NOTCH2NLC: variants seen among roughly 807,000 people sequenced by gnomAD.
NOTCH2NLC encodes notch homolog 2 N-terminal-like protein C.
A neutral mutation model predicts 17.7 loss-of-function variants in NOTCH2NLC; 4 were observed. The ratio of observed to expected loss-of-function variants is 0.23; its 90% CI spans 0.11 to 0.52. NOTCH2NLC has a LOEUF of 0.52. Among genes scored for constraint, NOTCH2NLC ranks in the 20% least tolerant of loss-of-function variants. The pLI, the probability that NOTCH2NLC is intolerant of heterozygous loss-of-function variation, is 0.96. For synonymous variants in NOTCH2NLC, 18 were observed against 86.0 expected (o/e 0.21, Z 4.38); for missense variants, 57 against 207.2 (o/e 0.28, Z 4.45).
At chr1:149,422,518 G>C (rs1374495700) in intron 1 of NOTCH2NLC, among the ~76,000 whole-genome samples, 1 of 144,654 alleles carries the variant, frequency 6.9e-6, no homozygotes, top group Non-Finnish European at 1.5e-5. Context: ...GTCTCTGACA[G>C]CTTCTTCAGG....
chr1:149,424,555 A>C (rs2084400885), intron 1 of NOTCH2NLC, among the ~76,000 whole-genome samples: 1 of 150,886 alleles, frequency 6.6e-6, no homozygotes, highest in African/African-American at 2.4e-5. Context: ...AACTGTATTA[A>C]AATTGAGTTT....
At chr1:149,444,749 G>T in intron 2 of NOTCH2NLC, among the ~76,000 whole-genome samples, 1 of 143,402 alleles carries the variant, frequency 7.0e-6, no homozygotes. Flanking sequence ...GTGTGTGTAC[G>T]TGTGTGAGAG....
At chr1:149,417,097 C>CTTTTTTTTTTTTTTTTTTTTTT (rs1171555647) in intron 1 of NOTCH2NLC, among the ~76,000 whole-genome samples, 18 of 69,568 alleles carry the variant, frequency 2.6e-4, no homozygotes, top group South Asian at 6.7e-4. Flanking sequence ...TCAGGTTTTC[C>CTTTTTTTTTTTTTTTTTTTTTT]TTTTTTTTTT....
chr1:149,415,150 C>A (rs2084328394), intron 1 of NOTCH2NLC, among the ~76,000 whole-genome samples: 1 of 105,954 alleles, frequency 9.4e-6, no homozygotes, highest in African/African-American at 3.6e-5. Context: ...TGAAGTCTTT[C>A]CACCTTAACT....
At chr1:149,446,583 A>G (rs1278235142) in intron 2 of NOTCH2NLC, among the ~76,000 whole-genome samples, 17,607 of 148,978 alleles carry the variant, frequency 0.12, 1,556 homozygotes, top group East Asian at 0.29. Context: ...CAATCTGCTC[A>G]CCTTGGCCTC....
chr1:149,421,334 A>AC (rs2084377855), intron 1 of NOTCH2NLC, among the ~76,000 whole-genome samples: 1 of 148,528 alleles, frequency 6.7e-6, no homozygotes, highest in African/African-American at 2.5e-5. Context: ...TGTCTCTACT[A>AC]AAAATACAAA....
Position 149,466,007 on chromosome 1 carries a change from A to G in NOTCH2NLC, c.*1854A>G, listed in dbSNP as rs1399528939. 2.6e-5 allele frequency: 1 copy of G among 38,174 alleles called. No individual in the cohort carries two copies. Among genetic ancestry groups the G allele is most frequent in the Non-Finnish European group, 5.3e-5 (1 of 18,876 alleles). 2.4% of individuals were successfully genotyped at this position (38,174 alleles called of 1,614,324 possible). A position where few individuals can be genotyped will look rare whatever the true frequency, so the allele number is the denominator to read the frequency against. On this transcript the variant is annotated 3_prime_UTR_variant, in exon 5 of 5. Transcript: ENST00000650865. Reference sequence around the variant, plus strand: ...TGTTAAGTGATTCACCCAAAGTTGTACAGCTAATATGTGGTTAGGCTGGGT... The same window carrying G: ...TGTTAAGTGATTCACCCAAAGTTGTGCAGCTAATATGTGGTTAGGCTGGGT...
intron 3 of NOTCH2NLC, among the ~76,000 whole-genome samples, chr1:149,461,127 G>T (rs1488323354): frequency 6.7e-6 from 1 of 150,104 alleles, no homozygotes; most frequent in Non-Finnish European, 1.5e-5. Flanking sequence ...AAAAGATGGC[G>T]TTTCACCATG....
At chr1:149,399,316 G>A (rs2084230339) in intron 1 of NOTCH2NLC, among the ~76,000 whole-genome samples, 1 of 147,866 alleles carries the variant, frequency 6.8e-6, no homozygotes, top group African/African-American at 2.5e-5. Flanking sequence ...ACCTAGCAGG[G>A]AGAGGTTGTT....
At chr1:149,401,667 T>C (rs1276301943) in intron 1 of NOTCH2NLC, among the ~76,000 whole-genome samples, 1 of 68,776 alleles carries the variant, frequency 1.5e-5, no homozygotes, top group Non-Finnish European at 2.8e-5. Flanking sequence ...ATTAAAAACA[T>C]AGGTTGATGA....
rs1210913516 is a variant in NOTCH2NLC, at chr1:149,402,575, A to G, written c.135+11653A>G. ...GGTTCACAGCTTTGGATGTTGGCCT[A>G]TGGTTAGTGAGGGGTGTAGCCAGGA... On this transcript the variant is annotated intron_variant, in intron 1 of 4. Coordinates refer to ENST00000650865, the MANE Select transcript of NOTCH2NLC (RefSeq NM_001364013.2). Among the ~76,000 whole-genome samples, 111 of 53,994 alleles carry G rather than the reference A, an allele frequency of 2.1e-3. 3 individuals carry two copies. In the East Asian group the frequency reaches 0.05, roughly 24 times the overall value. The allele number at this position is 53,994 out of a possible 152,430, so 35.4% of individuals were successfully genotyped here.
At chr1:149,413,370 G>A (rs1380502955) in intron 1 of NOTCH2NLC, among the ~76,000 whole-genome samples, 1 of 151,176 alleles carries the variant, frequency 6.6e-6, no homozygotes, top group Non-Finnish European at 1.5e-5. Flanking sequence ...CCTGAAAAGG[G>A]AAGTTGAATC....
chr1:149,409,543 G>A (rs2084287713), intron 1 of NOTCH2NLC, among the ~76,000 whole-genome samples: 1 of 146,178 alleles, frequency 6.8e-6, no homozygotes, highest in Non-Finnish European at 1.5e-5. Context: ...CAAGACCTGA[G>A]TCTGAGAACT....
intron 2 of NOTCH2NLC, among the ~76,000 whole-genome samples, chr1:149,454,614 G>T (rs1370734103): frequency 6.6e-6 from 1 of 150,854 alleles, no homozygotes; most frequent in Non-Finnish European, 1.5e-5. Flanking sequence ...ATTATATTTT[G>T]TGCCTTTTTA....
At chr1:149,433,330 G>T (rs1342310897) in intron 2 of NOTCH2NLC, among the ~76,000 whole-genome samples, 1 of 141,498 alleles carries the variant, frequency 7.1e-6, no homozygotes, top group African/African-American at 2.6e-5. Context: ...CCTAATGCAC[G>T]TGGGGCTTAA....
intron 2 of NOTCH2NLC, among the ~76,000 whole-genome samples, chr1:149,449,834 T>C (rs1246439864): frequency 3.2e-4 from 49 of 151,326 alleles, no homozygotes; most frequent in African/African-American, 8.7e-4. Context: ...AATCTACTTT[T>C]TATCTCTACG....
chr1:149,463,162 A>G (rs2084661112), intron 3 of NOTCH2NLC, among the ~76,000 whole-genome samples: 1 of 150,866 alleles, frequency 6.6e-6, no homozygotes, highest in Non-Finnish European at 1.5e-5. Flanking sequence ...CAGGAGCAGC[A>G]TATGCAAAGA....
At chr1:149,429,295 G>C (rs2084430950) in intron 1 of NOTCH2NLC, among the ~76,000 whole-genome samples, 1 of 150,440 alleles carries the variant, frequency 6.6e-6, no homozygotes, top group Admixed American at 6.6e-5. Flanking sequence ...TCTACTATTG[G>C]TAAATGGGTA....
At chr1:149,415,218 C>G (rs1355657055) in intron 1 of NOTCH2NLC, among the ~76,000 whole-genome samples, 1 of 81,360 alleles carries the variant, frequency 1.2e-5, no homozygotes, top group East Asian at 4.4e-4. Context: ...GAGTGTCCTA[C>G]AGGACCTTGT....
Sources: allele counts gnomAD v4.1 joint callset (sites outside exome capture counted in the v4.1 genomes callset), GRCh38; gene constraint gnomAD v4.1.1; transcripts MANE v1.5; gene names NCBI Gene and HGNC (gene_info 2026-07-23, HGNC 2026-07-21).